The following MAGI2 variants were observed in gnomAD, a reference collection of about 807,000 sequenced individuals.
MAGI2 encodes the protein membrane-associated guanylate kinase, WW and PDZ domain-containing protein 2.
In MAGI2, 35 loss-of-function variants were observed where a neutral mutation model predicts 133.3. That is an observed-to-expected ratio of 0.26 (90% CI 0.20 to 0.35). MAGI2 has a LOEUF of 0.35. MAGI2 is among the 10% of genes least tolerant of loss of function. MAGI2 has a pLI of 1.00. For synonymous variants in MAGI2, 729 were observed against 710.6 expected, an observed-to-expected ratio of 1.03 and a Z score of -0.41; for missense variants, 1,636 against 1,863.4, an observed-to-expected ratio of 0.88 and a Z score of 2.25.
chr7:78,041,061 C>T (rs1002618122), intron 21 of MAGI2, among the ~76,000 whole-genome samples: 5 of 152,088 alleles, frequency 3.3e-5, no homozygotes, highest in Non-Finnish European at 7.4e-5. Flanking sequence ...TACCAAAGAC[C>T]ACATCTGATT....
intron 7 of MAGI2, among the ~76,000 whole-genome samples, chr7:78,354,438 G>C (rs1303533488): frequency 1.3e-5 from 2 of 152,126 alleles, no homozygotes; most frequent in Non-Finnish European, 2.9e-5. Context: ...AGAATACCGG[G>C]CAATGGCAAA....
chr7:78,678,892 A>T (rs1040527926), intron 2 of MAGI2, among the ~76,000 whole-genome samples: 2 of 152,174 alleles, frequency 1.3e-5, no homozygotes, highest in Non-Finnish European at 2.9e-5. Context: ...GCAAAAAACA[A>T]AAAGAAAGTA....
chr7:78,789,691 GT>G (rs1827112113), intron 2 of MAGI2, among the ~76,000 whole-genome samples: 1 of 152,122 alleles, frequency 6.6e-6, no homozygotes, highest in Non-Finnish European at 1.5e-5. Context: ...ATTTCCTAGT[GT>G]TACAAATATT....
At chr7:78,644,270 A>G (rs1453002850) in intron 2 of MAGI2, among the ~76,000 whole-genome samples, 1 of 152,132 alleles carries the variant, frequency 6.6e-6, no homozygotes, top group Non-Finnish European at 1.5e-5. Flanking sequence ...TAAAACAAGT[A>G]GACAGAAAAT....
intron 20 of MAGI2, among the ~76,000 whole-genome samples, chr7:78,119,581 AAAG>A: frequency 6.6e-6 from 1 of 151,328 alleles, no homozygotes; most frequent in Non-Finnish European, 1.5e-5. Context: ...AAAAAAAAAA[AAAG>A]AATGTACAAC....
intron 7 of MAGI2, among the ~76,000 whole-genome samples, chr7:78,367,126 C>A (rs1269222138): frequency 1.3e-5 from 2 of 151,702 alleles, no homozygotes; most frequent in Non-Finnish European, 1.5e-5. Context: ...CACACACACA[C>A]AAATTTGAAG....
At chr7:78,856,613 C>T (rs544482689) in intron 2 of MAGI2, among the ~76,000 whole-genome samples, 1 of 152,238 alleles carries the variant, frequency 6.6e-6, no homozygotes, top group South Asian at 2.1e-4. Context: ...TGGTCTATAT[C>T]TCTGGTTTGG....
At chr7:78,582,396 G>T (rs576472405) in intron 3 of MAGI2, among the ~76,000 whole-genome samples, 1 of 152,260 alleles carries the variant, frequency 6.6e-6, no homozygotes, top group Non-Finnish European at 1.5e-5. Flanking sequence ...AAATTGTTAT[G>T]CAATATAAAA....
chr7:78,152,020 C>A (rs1277670483), intron 16 of MAGI2, among the ~76,000 whole-genome samples: 1 of 151,932 alleles, frequency 6.6e-6, no homozygotes. Context: ...CCTTAAGCAA[C>A]TCACAACTTT....
intron 14 of MAGI2, among the ~76,000 whole-genome samples, chr7:78,175,668 TC>T (rs1826525318): frequency 6.6e-6 from 1 of 152,160 alleles, no homozygotes; most frequent in African/African-American, 2.4e-5. Flanking sequence ...TGGAGACTGT[TC>T]CCTTAGACTC....
At chr7:78,518,756 G>A (rs574226838) in intron 4 of MAGI2, 21 of 152,064 alleles carry the variant, frequency 1.4e-4, no homozygotes, top group African/African-American at 4.3e-4. Context: ...TGTCTTAGAC[G>A]AGGTCTCACT....
chr7:79,257,859 G>A (rs1265585282), intron 1 of MAGI2, among the ~76,000 whole-genome samples: 1 of 151,974 alleles, frequency 6.6e-6, no homozygotes, highest in Non-Finnish European at 1.5e-5. Flanking sequence ...TATTTGTTAT[G>A]TGCAGCAACA....
chr7:78,535,630 G>T (rs1017362692), intron 3 of MAGI2, among the ~76,000 whole-genome samples: 3 of 151,872 alleles, frequency 2.0e-5, no homozygotes, highest in Non-Finnish European at 2.9e-5. Context: ...ACTAACTTTG[G>T]GAGGAACTTA....
At chr7:78,156,811 G>GA (rs577837030) in intron 16 of MAGI2, among the ~76,000 whole-genome samples, 19,457 of 124,984 alleles carry the variant, frequency 0.16, 1,345 homozygotes, top group East Asian at 0.19. Context: ...CCGAAGCCAC[G>GA]AAAAAAAAAA....
chr7:78,539,469 AGTTTTTTT>A (rs973242908), intron 3 of MAGI2, among the ~76,000 whole-genome samples: 91 of 141,016 alleles, frequency 6.5e-4, no homozygotes, highest in African/African-American at 7.6e-4. Context: ...ATTGGTCTGT[AGTTTTTTT>A]GTTTTTTTGT....
At chr7:78,584,439 A>G (rs1362934297) in intron 3 of MAGI2, among the ~76,000 whole-genome samples, 1 of 151,042 alleles carries the variant, frequency 6.6e-6, no homozygotes, top group African/African-American at 2.4e-5. Context: ...AAAAAAAAAA[A>G]AAAAAAAAAA....
intron 2 of MAGI2, among the ~76,000 whole-genome samples, chr7:78,952,874 G>A (rs1451655725): frequency 2.0e-5 from 3 of 152,100 alleles, no homozygotes; most frequent in Non-Finnish European, 4.4e-5. Context: ...ATTGTACCTG[G>A]GTGTGAGTAG....
intron 16 of MAGI2, among the ~76,000 whole-genome samples, chr7:78,138,418 T>C (rs965965851): frequency 4.6e-5 from 7 of 152,194 alleles, no homozygotes; most frequent in African/African-American, 1.4e-4. Flanking sequence ...GGATGTCACA[T>C]CATGGTGTCA....
chr7:79,386,262 T>C (rs537630288), intron 1 of MAGI2, among the ~76,000 whole-genome samples: 1 of 152,078 alleles, frequency 6.6e-6, no homozygotes. Flanking sequence ...AACATAGATA[T>C]GCATTTAACA....
Sources: gnomAD v4.1 joint callset for allele counts (sites outside exome capture counted in the v4.1 genomes callset) on GRCh38, gnomAD v4.1.1 for gene constraint, MANE v1.5 for transcripts, NCBI Gene and HGNC (gene_info 2026-07-23, HGNC 2026-07-21) for gene names.